Variants in IGSF10 observed in about 807,000 individuals in gnomAD.
IGSF10 encodes the protein immunoglobulin superfamily member 10.
In IGSF10, 126 loss-of-function variants were observed where a neutral mutation model predicts 128.2. The observed-to-expected ratio is 0.98, with a 90% CI of 0.85 to 1.14. IGSF10 has a LOEUF of 1.14. Ranked by LOEUF, IGSF10 falls within the 50% of genes most tolerant of loss-of-function variation. IGSF10 has a pLI of 0.00. For synonymous variants in IGSF10, 1,185 were observed against 1,146.2 expected, an observed-to-expected ratio of 1.03 and a Z score of -0.68; for missense variants, 3,295 against 3,149.8, an observed-to-expected ratio of 1.05 and a Z score of -1.10.
At chr3:151,591,077 G>T in the IGSF10 span, among the ~76,000 whole-genome samples, 3 of 152,106 alleles carry the variant, frequency 2.0e-5, no homozygotes, top group African/African-American at 4.8e-5. Flanking sequence ...TCTGCCTTGT[G>T]ATGGCCATCA....
the IGSF10 span, among the ~76,000 whole-genome samples, chr3:151,592,885 A>G: frequency 6.6e-6 from 1 of 152,134 alleles, no homozygotes; most frequent in South Asian, 2.1e-4. Context: ...ACTTAATATA[A>G]TGTTTGGGTA....
upstream of IGSF10, chr3:151,461,311 TG>T (rs1185651227): frequency 1.0e-6 from 1 of 985,250 alleles, no homozygotes; most frequent in Non-Finnish European, 1.2e-6. Flanking sequence ...CTCTTCCACC[TG>T]TTGACAGGTG....
the IGSF10 span, among the ~76,000 whole-genome samples, chr3:151,617,739 T>A: frequency 1.3e-5 from 2 of 152,120 alleles, no homozygotes; most frequent in Non-Finnish European, 2.9e-5. Flanking sequence ...TTGAAACTTA[T>A]GTTGAAACTT....
At chr3:151,566,848 G>A in the IGSF10 span, among the ~76,000 whole-genome samples, 12 of 152,212 alleles carry the variant, frequency 7.9e-5, no homozygotes, top group African/African-American at 2.9e-4. Flanking sequence ...TTAGCTAACA[G>A]AGGTGGTGTA....
the IGSF10 span, among the ~76,000 whole-genome samples, chr3:151,589,161 G>A: frequency 1.3e-5 from 2 of 152,072 alleles, no homozygotes; most frequent in Non-Finnish European, 2.9e-5. Context: ...AAAATGCAGT[G>A]AGCTCTTTCT....
At chr3:151,498,152 G>A in the IGSF10 span, among the ~76,000 whole-genome samples, 1 of 152,082 alleles carries the variant, frequency 6.6e-6, no homozygotes, top group African/African-American at 2.4e-5. Context: ...TTTCCTAATT[G>A]AATACCCTTT....
Position 151,444,508 on chromosome 3 carries a change from C to A in IGSF10, c.5062+411G>T, listed in dbSNP as rs73008601. On this transcript the variant is annotated intron_variant, in intron 6 of 7. Transcript: ENST00000282466. ...TTTTTTTAGTAGAGTAGGGGTTTCA[C>A]CATGTTGGCCAGGCTGATCCTGAAC... Among the ~76,000 whole-genome samples the A allele has an allele frequency of 5.2e-3, 796 of 152,170 alleles. 9 individuals are homozygous for A. The highest frequency in any genetic ancestry group is 0.019 in the African/African-American group (771 of 41,526).
chr3:151,465,562 A>T (rs1329246251), upstream of IGSF10, among the ~76,000 whole-genome samples: 1 of 152,202 alleles, frequency 6.6e-6, no homozygotes, highest in African/African-American at 2.4e-5. Context: ...TTTTAATGAA[A>T]AGACATTATT....
chr3:151,542,493 G>T, the IGSF10 span, among the ~76,000 whole-genome samples: 6 of 152,100 alleles, frequency 3.9e-5, no homozygotes, highest in Non-Finnish European at 2.9e-5. Context: ...CTCAACATCA[G>T]CTACATCCTT....
upstream of IGSF10, among the ~76,000 whole-genome samples, chr3:151,462,034 T>C (rs558069849): frequency 6.6e-6 from 1 of 152,112 alleles, no homozygotes; most frequent in Non-Finnish European, 1.5e-5. Context: ...TACATTCTCC[T>C]TTCTCATCTC....
the IGSF10 span, among the ~76,000 whole-genome samples, chr3:151,607,999 A>C: frequency 6.6e-6 from 1 of 151,682 alleles, no homozygotes; most frequent in Admixed American, 6.6e-5. Flanking sequence ...AACTTAAAAC[A>C]TAAAAAAGAG....
chr3:151,448,337 T>A lies in IGSF10; in HGVS notation c.1644A>T (p.Val548=), dbSNP rs1362915727. Residue 548 remains valine (V), a synonymous_variant, in exon 6 of 8, where the codon GTA becomes GTT. Transcript: ENST00000282466. The stretch of plus-strand genomic sequence containing the variant: ...CATAATTGCTGCTTATACAGTGATA[T>A]ACGCCTGTGTCAAAACTATCAGCCA... ...LQMADSFDTG[V]YHCISSNYDD... The A allele has an allele frequency of 1.2e-6, 2 of 1,614,226 alleles. No individual in the cohort carries two copies. Among genetic ancestry groups the A allele is most frequent in the Non-Finnish European group, 1.7e-6 (2 of 1,180,030 alleles).
the IGSF10 span, among the ~76,000 whole-genome samples, chr3:151,541,170 G>C: frequency 1.3e-5 from 2 of 152,274 alleles, no homozygotes; most frequent in Non-Finnish European, 2.9e-5. Flanking sequence ...GTGATTAGCA[G>C]TAAGATTCAT....
the IGSF10 span, among the ~76,000 whole-genome samples, chr3:151,561,429 C>A: frequency 4.6e-5 from 7 of 152,264 alleles, no homozygotes; most frequent in African/African-American, 1.7e-4. Flanking sequence ...ACCAAATACT[C>A]TTCCCTTTCA....
At chr3:151,548,149 T>C in the IGSF10 span, among the ~76,000 whole-genome samples, 1 of 152,172 alleles carries the variant, frequency 6.6e-6, no homozygotes, top group East Asian at 1.9e-4. Context: ...AGAAGCAGTA[T>C]GCCTTTTGCC....
At position 151,448,939 on chromosome 3, in the gene IGSF10, C is replaced by A. The variant is rs1428352745; in HGVS notation, c.1042G>T (p.Glu348Ter). 2 of 1,614,218 alleles carry A rather than the reference C, an allele frequency of 1.2e-6. No homozygotes were observed. The highest frequency in any genetic ancestry group is 3.3e-5 in the Admixed American group (2 of 60,018). The change falls in exon 6 of 8, where the codon GAA (glutamate) becomes TAA (stop). Residue 348 changes from glutamate (E) to a stop codon, truncating the protein, a stop_gained. Coordinates refer to ENST00000282466, the MANE Select transcript of IGSF10 (RefSeq NM_178822.5). LOFTEE classifies it high-confidence loss of function. ...SRTSPIAFTE[E>*]NDYIVLNTSF... ...GTATTTAGCACGATGTAGTCATTTTCTTCAGTGAATGCAATGGGTGATGTC... is the reference window on the plus strand; with the variant it reads ...GTATTTAGCACGATGTAGTCATTTTATTCAGTGAATGCAATGGGTGATGTC...
the IGSF10 span, among the ~76,000 whole-genome samples, chr3:151,502,788 A>G: frequency 6.6e-6 from 1 of 152,104 alleles, no homozygotes; most frequent in Non-Finnish European, 1.5e-5. Flanking sequence ...ATCTTCCTTA[A>G]AATCTACGAA....
the IGSF10 span, among the ~76,000 whole-genome samples, chr3:151,617,260 C>CTTCTTCTTCTTCTTCT: frequency 1.3e-4 from 7 of 55,742 alleles, no homozygotes; most frequent in Middle Eastern, 7.5e-3. Context: ...TCTTCTCCTT[C>CTTCTTCTTCTTCTTCT]TCTTCTTCTT....
chr3:151,556,921 C>T, the IGSF10 span, among the ~76,000 whole-genome samples: 162 of 152,138 alleles, frequency 1.1e-3, 2 homozygotes, highest in Non-Finnish European at 1.4e-3. Flanking sequence ...CACAAATGAT[C>T]GTTGTAAAGT....
Sources: allele counts gnomAD v4.1 joint callset (sites outside exome capture counted in the v4.1 genomes callset), GRCh38; gene constraint gnomAD v4.1.1; transcripts MANE v1.5; gene names NCBI Gene and HGNC (gene_info 2026-07-23, HGNC 2026-07-21).